The following GALNTL6 variants were observed in gnomAD, a reference collection of about 807,000 sequenced individuals.
GALNTL6 encodes the protein polypeptide N-acetylgalactosaminyltransferase-like 6.
Under a neutral mutation model 73.7 loss-of-function variants are expected in GALNTL6, and 46 were observed. That is an observed-to-expected ratio of 0.62 (90% CI 0.49 to 0.80). The LOEUF (loss-of-function observed/expected upper bound fraction) is 0.80. Among genes scored for constraint, GALNTL6 ranks in the 30% least tolerant of loss-of-function variants. The pLI, the probability that GALNTL6 is intolerant of heterozygous loss-of-function variation, is 0.00. For missense variants in GALNTL6, 604 were observed against 755.0 expected (o/e 0.80, Z 2.34); for synonymous variants, 259 against 263.7 (o/e 0.98, Z 0.17).
intron 2 of GALNTL6, among the ~76,000 whole-genome samples, chr4:172,155,405 C>T (rs116784636): frequency 0.01 from 1,542 of 152,298 alleles, 26 homozygotes; most frequent in African/African-American, 0.035. Flanking sequence ...CCTCACCAGA[C>T]ATCAGATCAC....
intron 5 of GALNTL6, among the ~76,000 whole-genome samples, chr4:172,393,210 A>G (rs1251237732): frequency 1.3e-5 from 2 of 152,156 alleles, no homozygotes; most frequent in Non-Finnish European, 1.5e-5. Context: ...GGTGACTATT[A>G]TAACTTTGTG....
intron 5 of GALNTL6, among the ~76,000 whole-genome samples, chr4:172,521,902 A>G (rs1012176971): frequency 2.0e-5 from 3 of 152,208 alleles, no homozygotes; most frequent in Non-Finnish European, 2.9e-5. Context: ...AATCTTATTC[A>G]TTAGAATTTT....
intron 2 of GALNTL6, among the ~76,000 whole-genome samples, chr4:171,907,147 C>A (rs1578960282): frequency 6.6e-6 from 1 of 151,912 alleles, no homozygotes; most frequent in Non-Finnish European, 1.5e-5. Flanking sequence ...CTGGCCAGGG[C>A]AATTAGGCAG....
Position 172,809,461 on chromosome 4 carries a change from G to A in GALNTL6, c.654G>A (p.Leu218=). 1 of 1,613,768 alleles carries A rather than the reference G, an allele frequency of 6.2e-7. No individual in the cohort carries two copies. Among genetic ancestry groups the A allele is most frequent in the Non-Finnish European group, 8.5e-7 (1 of 1,179,760 alleles). Residue 218 remains leucine (L), a synonymous_variant, in exon 6 of 13, where the codon CTG becomes CTA. Transcript: ENST00000506823. The surrounding 1 kb of genome is among the most constrained non-coding windows in gnomAD (Gnocchi z 4.4). ...AAGGACTCATCCGGACCCGTCTCCT[G>A]GGGGCATCTATGGCCAGAGGAGAAG... ...KREGLIRTRL[L]GASMARGEVL...
chr4:172,885,022 A>G (rs1303150802), intron 8 of GALNTL6, among the ~76,000 whole-genome samples: 2 of 152,066 alleles, frequency 1.3e-5, no homozygotes, highest in African/African-American at 2.4e-5. Flanking sequence ...TTTGATTACA[A>G]TAGCTTTGTG....
Position 171,845,128 on chromosome 4 carries a change from A to G in GALNTL6, c.138+30410A>G, listed in dbSNP as rs114663621. ...TTGCCAAGCAATAGTTAGTAAATGA[A>G]ATGGTGGTATTTTAATAACCTTGCA... On this transcript the variant is annotated intron_variant, in intron 2 of 12. Transcript: ENST00000506823. 6.2e-3 allele frequency among the ~76,000 whole-genome samples: 937 copies of G among 152,302 alleles called. 12 individuals carry two copies. The highest frequency in any genetic ancestry group is 0.021 in the African/African-American group (868 of 41,580).
At chr4:172,182,553 C>CAAAAAAAAA (rs34354883) in intron 2 of GALNTL6, among the ~76,000 whole-genome samples, 1 of 127,458 alleles carries the variant, frequency 7.8e-6, no homozygotes, top group Non-Finnish European at 1.7e-5. Context: ...TGAAAAATAC[C>CAAAAAAAAA]AAAAAAAAAA....
rs190372893 is a variant in GALNTL6, at chr4:171,906,638, A to G, written c.138+91920A>G. On this transcript the variant is annotated intron_variant, in intron 2 of 12. Coordinates refer to ENST00000506823, the MANE Select transcript of GALNTL6 (RefSeq NM_001034845.3). ...AAAAAGAGGGAATCCTTCCTAACTC[A>G]TTTTATGAGGCCAGCATCATCCCAA... 6.6e-5 allele frequency among the ~76,000 whole-genome samples: 10 copies of G among 152,348 alleles called. No individual in the cohort carries two copies. In the East Asian group the frequency reaches 1.9e-3, roughly 29 times the overall value.
chr4:172,814,894 G>C (rs1426722478), intron 7 of GALNTL6, among the ~76,000 whole-genome samples: 1 of 152,138 alleles, frequency 6.6e-6, no homozygotes, highest in Non-Finnish European at 1.5e-5. Flanking sequence ...TAAATATCCA[G>C]AGCTTCTGGA....
At chr4:171,995,372 A>G (rs1740455588) in intron 2 of GALNTL6, among the ~76,000 whole-genome samples, 2 of 152,034 alleles carry the variant, frequency 1.3e-5, no homozygotes, top group Non-Finnish European at 2.9e-5. Context: ...TGAGCAAAAG[A>G]TGCAGCCTAA....
At chr4:172,821,897 T>C (rs1741949054) in intron 7 of GALNTL6, among the ~76,000 whole-genome samples, 1 of 152,110 alleles carries the variant, frequency 6.6e-6, no homozygotes, top group Non-Finnish European at 1.5e-5. Flanking sequence ...ATTACCCATC[T>C]CTCCTTTTGA....
chr4:172,217,373 G>T (rs1014542690), intron 2 of GALNTL6, among the ~76,000 whole-genome samples: 1 of 152,140 alleles, frequency 6.6e-6, no homozygotes, highest in African/African-American at 2.4e-5. Flanking sequence ...CATCTGATGA[G>T]AATTTATGGT....
At chr4:172,311,039 A>G (rs1740339231) in intron 3 of GALNTL6, among the ~76,000 whole-genome samples, 1 of 152,086 alleles carries the variant, frequency 6.6e-6, no homozygotes, top group African/African-American at 2.4e-5. Context: ...AGGAATATAT[A>G]TTTTACTGAT....
chr4:171,986,633 T>C (rs1232567521), intron 2 of GALNTL6, among the ~76,000 whole-genome samples: 1 of 152,114 alleles, frequency 6.6e-6, no homozygotes, highest in African/African-American at 2.4e-5. Flanking sequence ...GAGATTAAGC[T>C]GAAGGAAGAT....
chr4:173,023,451 G>A (rs894133950), intron 12 of GALNTL6, among the ~76,000 whole-genome samples: 28 of 152,164 alleles, frequency 1.8e-4, no homozygotes, highest in Non-Finnish European at 5.9e-5. Flanking sequence ...GAGGTCAGGA[G>A]TTCAAGACAA....
At chr4:172,278,223 G>A (rs1350196855) in intron 3 of GALNTL6, among the ~76,000 whole-genome samples, 2 of 151,948 alleles carry the variant, frequency 1.3e-5, no homozygotes, top group Non-Finnish European at 2.9e-5. Flanking sequence ...AGTTTTTTAA[G>A]TTGAGCCAAA....
At chr4:172,846,113 T>C (rs1560989522) in intron 7 of GALNTL6, among the ~76,000 whole-genome samples, 1 of 152,212 alleles carries the variant, frequency 6.6e-6, no homozygotes, top group Non-Finnish European at 1.5e-5. Flanking sequence ...TCTAGTGTCC[T>C]TCTCAACTGA....
At chr4:172,705,413 A>G (rs1005542150) in intron 5 of GALNTL6, among the ~76,000 whole-genome samples, 2 of 151,066 alleles carry the variant, frequency 1.3e-5, no homozygotes, top group African/African-American at 4.9e-5. Context: ...AACGGATAAC[A>G]ACTTTATTTT....
intron 11 of GALNTL6, among the ~76,000 whole-genome samples, chr4:173,009,888 G>T (rs1354289435): frequency 6.6e-6 from 1 of 152,210 alleles, no homozygotes; most frequent in African/African-American, 2.4e-5. Context: ...GGGGCACATA[G>T]TAGGTGTATA....
Sources: allele counts gnomAD v4.1 joint callset (sites outside exome capture counted in the v4.1 genomes callset), GRCh38; gene constraint gnomAD v4.1.1; non-coding constraint Gnocchi (gnomAD v3.1); transcripts MANE v1.5; gene names NCBI Gene and HGNC (gene_info 2026-07-23, HGNC 2026-07-21).